GGTA1: variants seen among roughly 807,000 people sequenced by gnomAD.
The protein encoded by GGTA1 is inactive N-acetyllactosaminide alpha-1,3-galactosyltransferase.
GGTA1 carries 5 observed loss-of-function variants against 2.6 expected under a neutral mutation model. That is an observed-to-expected ratio of 1.92 (90% confidence interval 1.00 to 4.04). The LOEUF is 4.04. GGTA1 is among the 30% of genes most tolerant of loss of function. The probability of loss-of-function intolerance (pLI) is 0.00; values close to 1 mark genes in which losing one functional copy is unlikely to be tolerated. For missense variants in GGTA1, 50 were observed against 16.7 expected (o/e 2.99, Z -3.47); for synonymous variants, 17 against 5.0 (o/e 3.38, Z -3.19).
At chr9:121,451,270 C>T (rs2064876819), downstream of GGTA1, among the ~76,000 whole-genome samples, 1 of 152,178 alleles carries the variant, frequency 6.6e-6, no homozygotes, top group African/African-American at 2.4e-5. Context: ...ACTGCAACCT[C>T]CGCCTCCCAG....
rs34446366 is a variant in GGTA1, at chr9:121,477,573, CTT to C, written c.-9-9644_-9-9643del. Among the ~76,000 whole-genome samples the C allele has an allele frequency of 3.0e-5, 3 of 101,494 alleles. No individual in the cohort carries two copies. In the Admixed American group the frequency reaches 4.3e-4, roughly 15 times the overall value. The allele number at this position is 101,494 out of a possible 152,430, so 66.6% of individuals were successfully genotyped here. A position where few individuals can be genotyped will look rare whatever the true frequency, so the allele number is the denominator to read the frequency against. Reference sequence around the variant, plus strand: ...ACCTAACATTGCATTTGCAACCTTGCTTTTTTTTTTTTTTTTTTTTGAGACGG... The same window carrying C: ...ACCTAACATTGCATTTGCAACCTTGCTTTTTTTTTTTTTTTTTTGAGACGG... On this transcript the variant is annotated intron_variant, in intron 1 of 5. Transcript: ENST00000481799.
intron 1 of GGTA1, among the ~76,000 whole-genome samples, chr9:121,478,048 C>T (rs1293900100): frequency 6.6e-6 from 1 of 152,180 alleles, no homozygotes; most frequent in African/African-American, 2.4e-5. Context: ...ATTATTATCC[C>T]CATTTCACAG....
intron 1 of GGTA1, 88 bp from the exon 2 acceptor site, chr9:121,468,019 G>T: frequency 2.5e-6 from 1 of 407,596 alleles, no homozygotes; most frequent in Non-Finnish European, 4.8e-6. Flanking sequence ...CTTTTACCCC[G>T]TTCTTTTTTA....
downstream of GGTA1, among the ~76,000 whole-genome samples, chr9:121,452,664 G>A (rs769678263): frequency 5.9e-5 from 9 of 151,954 alleles, no homozygotes; most frequent in East Asian, 1.9e-4. Flanking sequence ...GATTATAAGC[G>A]TGCCCCACCA....
intron 5 of GGTA1, among the ~76,000 whole-genome samples, chr9:121,459,317 C>T (rs984382563): frequency 6.6e-6 from 1 of 152,080 alleles, no homozygotes; most frequent in Non-Finnish European, 1.5e-5. Flanking sequence ...ATTAGCTGGC[C>T]GTGGTGGCGC....
At chr9:121,468,655 C>G (rs1828310031) in intron 1 of GGTA1, among the ~76,000 whole-genome samples, 1 of 152,174 alleles carries the variant, frequency 6.6e-6, no homozygotes, top group Non-Finnish European at 1.5e-5. Flanking sequence ...TAAAAGGATA[C>G]ATTTAGGATG....
At chr9:121,482,474 T>C (rs114461432) in intron 1 of GGTA1, among the ~76,000 whole-genome samples, 1,766 of 148,954 alleles carry the variant, frequency 0.012, 25 homozygotes, top group African/African-American at 0.039. Flanking sequence ...CTCAAAAAAA[T>C]AATTAAAAAA....
chr9:121,449,859 A>AAG lies in GGTA1; in HGVS notation c.*119-2263_*119-2262insCT, dbSNP rs1554835872. 3.8e-4 allele frequency among the ~76,000 whole-genome samples: 51 copies of AAG among 133,358 alleles called. 1 individual carries two copies. Among genetic ancestry groups the AAG allele is most frequent in the African/African-American group, 1.4e-3 (50 of 36,928 alleles). 87.5% of individuals were successfully genotyped at this position (133,358 alleles called of 152,430 possible). ...CATCTCAAAAAAAAAAAAAAAAAAA[A>AAG]GAAGAAGAAGAAGAAAAGAAAAACA... is the stretch of plus-strand genomic sequence containing the variant. On this transcript the variant is annotated intron_variant and NMD_transcript_variant, in intron 7 of 7. Coordinates refer to the GGTA1 transcript ENST00000481534.
chr9:121,481,968 C>T (rs936620761), intron 1 of GGTA1, among the ~76,000 whole-genome samples: 1 of 151,434 alleles, frequency 6.6e-6, no homozygotes, highest in Non-Finnish European at 1.5e-5. Flanking sequence ...TGCACTCCAG[C>T]CTGGGCAACA....
intron 1 of GGTA1, among the ~76,000 whole-genome samples, chr9:121,486,615 G>A (rs531095150): frequency 3.3e-5 from 5 of 152,172 alleles, no homozygotes; most frequent in Non-Finnish European, 2.9e-5. Flanking sequence ...CTGTGATGAA[G>A]GGCACCATCT....
downstream of GGTA1, among the ~76,000 whole-genome samples, chr9:121,450,341 G>C (rs373601741): frequency 1.3e-5 from 2 of 151,802 alleles, no homozygotes; most frequent in African/African-American, 4.8e-5. Flanking sequence ...GTGGCGGGGG[G>C]GTGGTTTAGT....
At chr9:121,479,938 G>A (rs1374688992) in intron 1 of GGTA1, among the ~76,000 whole-genome samples, 2 of 152,168 alleles carry the variant, frequency 1.3e-5, no homozygotes, top group Non-Finnish European at 2.9e-5. Context: ...GCTCAACTCC[G>A]CTCTCTGGCT....
At chr9:121,457,173 C>T (rs2064918594) in intron 5 of GGTA1, among the ~76,000 whole-genome samples, 1 of 152,162 alleles carries the variant, frequency 6.6e-6, no homozygotes, top group Non-Finnish European at 1.5e-5. Context: ...AGGAAAAGGT[C>T]TCCCAGACTG....
intron 2 of GGTA1, among the ~76,000 whole-genome samples, chr9:121,464,352 AGTCTT>A (rs1285664196): frequency 1.0e-5 from 1 of 98,630 alleles, no homozygotes; most frequent in Non-Finnish European, 1.8e-5. Flanking sequence ...TTTGAGATGG[AGTCTT>A]GCTCTGTTGC....
chr9:121,445,840 A>G (rs552877026), exon 8 of GGTA1: 3 of 152,218 alleles, frequency 2.0e-5, no homozygotes, highest in Non-Finnish European at 4.4e-5. Flanking sequence ...AAGTTGGGGT[A>G]TGATGGGCTG....
intron 5 of GGTA1, 109 bp downstream of exon 5, chr9:121,459,995 C>G (rs2064946364): frequency 2.5e-6 from 1 of 398,686 alleles, no homozygotes; most frequent in Admixed American, 3.2e-5. Flanking sequence ...TGCTAAGGCT[C>G]TTTCTCCTAA....
At chr9:121,453,240 G>A (rs766921245), downstream of GGTA1, among the ~76,000 whole-genome samples, 21 of 152,232 alleles carry the variant, frequency 1.4e-4, no homozygotes, top group Non-Finnish European at 2.8e-4. Context: ...CAAGACTGGA[G>A]CCTAGGGCTC....
chr9:121,498,886 T>G (rs1313827701), intron 1 of GGTA1, among the ~76,000 whole-genome samples: 1 of 139,734 alleles, frequency 7.2e-6, no homozygotes, highest in Non-Finnish European at 1.6e-5. Flanking sequence ...TTTCTTCTTC[T>G]TTTTACTGTT....
intron 1 of GGTA1, among the ~76,000 whole-genome samples, chr9:121,473,238 T>C (rs1244463259): frequency 6.7e-6 from 1 of 148,256 alleles, no homozygotes; most frequent in Non-Finnish European, 1.5e-5. Flanking sequence ...GAGAATCACT[T>C]GAACCCGGGA....
Sources: gnomAD v4.1 joint callset for allele counts (sites outside exome capture counted in the v4.1 genomes callset) on GRCh38, gnomAD v4.1.1 for gene constraint, MANE v1.5 for transcripts, NCBI Gene and HGNC (gene_info 2026-07-23, HGNC 2026-07-21) for gene names.